Variants in PEBP4 observed in about 807,000 individuals in gnomAD.
PEBP4 encodes phosphatidylethanolamine binding protein 4, also known as phosphatidylethanolamine-binding protein 4.
A neutral mutation model predicts 23.9 loss-of-function variants in PEBP4; 22 were observed. The observed-to-expected ratio is 0.92, with a 90% confidence interval of 0.66 to 1.31. The LOEUF (loss-of-function observed/expected upper bound fraction) is 1.31. Ranked by LOEUF, PEBP4 falls within the 40% of genes most tolerant of loss-of-function variation. PEBP4 has a pLI of 0.00. For missense variants in PEBP4, 324 were observed against 281.7 expected (o/e 1.15, Z -1.07); for synonymous variants, 112 against 99.3 (o/e 1.13, Z -0.76).
rs756349873 is a variant in PEBP4, at chr8:22,713,321, G to T, written c.*49C>A. The stretch of plus-strand genomic sequence containing the variant: ...CCAGAGGGGGTTCCATACCCACATC[G>T]TCGGTGGTGGGCAGTGTGGCCACAT... On this transcript the variant is annotated 3_prime_UTR_variant, in exon 7 of 7. Transcript: ENST00000256404. 6.6e-7 allele frequency: 1 copy of T among 1,521,838 alleles called. No homozygotes were observed. The highest frequency in any genetic ancestry group is 1.3e-5 in the South Asian group (1 of 76,614). 94.3% of individuals were successfully genotyped at this position (1,521,838 alleles called of 1,614,324 possible).
At chr8:22,768,552 TG>T (rs1395935569) in intron 4 of PEBP4, among the ~76,000 whole-genome samples, 1 of 152,126 alleles carries the variant, frequency 6.6e-6, no homozygotes, top group African/African-American at 2.4e-5. Flanking sequence ...GAGCTCATTT[TG>T]TTTGCTTTGT....
chr8:22,940,490 CTT>C (rs761722562), intron 1 of PEBP4, among the ~76,000 whole-genome samples: 7 of 110,040 alleles, frequency 6.4e-5, no homozygotes, highest in Admixed American at 2.0e-4. Context: ...ATGAATTTCT[CTT>C]TTTTTTTTTT....
chr8:22,895,900 G>A (rs1808580944), intron 3 of PEBP4: 2 of 152,222 alleles, frequency 1.3e-5, no homozygotes, highest in Non-Finnish European at 2.9e-5. Context: ...CTTGAACCCA[G>A]CCTAGGTGGC....
chr8:22,896,926 CAT>C lies in PEBP4; in HGVS notation c.258+23256_258+23257del, dbSNP rs1417678597. ...TATATTTGGATATTTTTATATATAA[CAT>C]ATTTAGATATTATATATAGCTAAAT... On this transcript the variant is annotated intron_variant, in intron 3 of 6. Coordinates refer to ENST00000256404, the MANE Select transcript of PEBP4 (RefSeq NM_144962.3). Among the ~76,000 whole-genome samples the C allele has an allele frequency of 2.0e-5, 3 of 149,750 alleles. No individual in the cohort carries two copies. In the Admixed American group the frequency reaches 2.0e-4, roughly 10 times the overall value.
intron 4 of PEBP4, among the ~76,000 whole-genome samples, chr8:22,762,603 C>G (rs930759502): frequency 1.3e-5 from 2 of 152,146 alleles, no homozygotes; most frequent in African/African-American, 4.8e-5. Context: ...GGTTTCTTCT[C>G]GGTCAGGCCT....
intron 4 of PEBP4, among the ~76,000 whole-genome samples, chr8:22,734,038 C>T (rs901003526): frequency 8.5e-5 from 13 of 152,220 alleles, no homozygotes; most frequent in Admixed American, 2.0e-4. Context: ...TGGCACCAAA[C>T]AAGAAAGCTC....
chr8:22,855,525 G>A (rs1807628063), intron 3 of PEBP4, among the ~76,000 whole-genome samples: 1 of 152,126 alleles, frequency 6.6e-6, no homozygotes, highest in Admixed American at 6.5e-5. Context: ...TGGCCCTGCA[G>A]GCCTTTTGGA....
intron 3 of PEBP4, among the ~76,000 whole-genome samples, chr8:22,910,661 C>T (rs557977511): frequency 4.6e-5 from 7 of 152,310 alleles, no homozygotes; most frequent in South Asian, 2.1e-4. Flanking sequence ...GGTGCTGGAA[C>T]GGAAGTCAGG....
intron 6 of PEBP4, among the ~76,000 whole-genome samples, chr8:22,724,544 G>A (rs774720917): frequency 3.3e-5 from 5 of 152,162 alleles, no homozygotes; most frequent in African/African-American, 4.8e-5. Context: ...GCAAAGTTTC[G>A]GGGTACTCTT....
chr8:22,936,651 A>T (rs980883960), intron 1 of PEBP4, among the ~76,000 whole-genome samples: 4 of 152,210 alleles, frequency 2.6e-5, no homozygotes, highest in Admixed American at 1.3e-4. Context: ...CCAAAGTTAG[A>T]AAAGAAAACC....
intron 4 of PEBP4, among the ~76,000 whole-genome samples, chr8:22,731,063 A>G (rs551308548): frequency 1.3e-5 from 2 of 152,346 alleles, no homozygotes; most frequent in African/African-American, 4.8e-5. Flanking sequence ...TCCTATAGCT[A>G]AGACAGGCTG....
chr8:22,920,421 C>A, intron 2 of PEBP4, 111 bp from the exon 3 acceptor site: 1 of 1,231,666 alleles, frequency 8.1e-7, no homozygotes, highest in Non-Finnish European at 1.1e-6. Context: ...GGATCAAATC[C>A]TAAACCTGCC....
chr8:22,785,037 C>A (rs1469228755), intron 4 of PEBP4, among the ~76,000 whole-genome samples: 3 of 152,190 alleles, frequency 2.0e-5, no homozygotes, highest in Admixed American at 2.0e-4. Flanking sequence ...CAGGCCTGCT[C>A]CTCAGATCCC....
chr8:22,855,000 GCA>G (rs200500141), intron 3 of PEBP4, among the ~76,000 whole-genome samples: 5,244 of 73,690 alleles, frequency 0.071, 111 homozygotes, highest in South Asian at 0.14. Flanking sequence ...GAGTATGCAC[GCA>G]CACACACACA....
At chr8:22,736,841 A>G (rs1268036287) in intron 4 of PEBP4, among the ~76,000 whole-genome samples, 1 of 152,168 alleles carries the variant, frequency 6.6e-6, no homozygotes, top group Non-Finnish European at 1.5e-5. Flanking sequence ...CTCAAATCTT[A>G]TATTTTTAGC....
At chr8:22,713,737 C>A (rs1365121124) in intron 6 of PEBP4, among the ~76,000 whole-genome samples, 1 of 152,232 alleles carries the variant, frequency 6.6e-6, no homozygotes, top group Non-Finnish European at 1.5e-5. Flanking sequence ...TGAACAGCAG[C>A]AGAGCTGCCT....
intron 4 of PEBP4, among the ~76,000 whole-genome samples, chr8:22,759,812 T>G (rs553324021): frequency 9.2e-5 from 14 of 152,260 alleles, no homozygotes; most frequent in African/African-American, 3.1e-4. Context: ...AGGGCTCAAC[T>G]GGGAACAGCC....
At chr8:22,875,137 C>T (rs1406056127) in intron 3 of PEBP4, among the ~76,000 whole-genome samples, 1 of 151,972 alleles carries the variant, frequency 6.6e-6, no homozygotes, top group Non-Finnish European at 1.5e-5. Context: ...ATTTAGCCCT[C>T]GGAGCCAGCT....
At chr8:22,736,013 A>C (rs1269394194) in intron 4 of PEBP4, among the ~76,000 whole-genome samples, 1 of 152,128 alleles carries the variant, frequency 6.6e-6, no homozygotes. Context: ...TTGGTTCCAA[A>C]GTTTCTTGTC....
Sources: allele counts gnomAD v4.1 joint callset (sites outside exome capture counted in the v4.1 genomes callset), GRCh38; gene constraint gnomAD v4.1.1; transcripts MANE v1.5; gene names NCBI Gene and HGNC (gene_info 2026-07-23, HGNC 2026-07-21).